The following PTCHD4 variants were observed in gnomAD, a reference collection of about 807,000 sequenced individuals.
PTCHD4 encodes patched domain containing 4, also known as patched domain-containing protein 4.
PTCHD4 carries 33 observed loss-of-function variants against 58.1 expected under a neutral mutation model. The ratio of observed to expected loss-of-function variants is 0.57; its 90% CI spans 0.43 to 0.76. The LOEUF (loss-of-function observed/expected upper bound fraction) is 0.76. Among genes scored for constraint, PTCHD4 ranks in the 30% least tolerant of loss-of-function variants. The pLI, the probability that PTCHD4 is intolerant of heterozygous loss-of-function variation, is 0.00. For synonymous variants in PTCHD4, 478 were observed against 409.6 expected (o/e 1.17, Z -2.02); for missense variants, 1,058 against 1,027.1 (o/e 1.03, Z -0.41).
At chr6:47,967,386 C>A (rs12205912) in intron 4 of PTCHD4, among the ~76,000 whole-genome samples, 18,501 of 152,100 alleles carry the variant, frequency 0.12, 1,456 homozygotes, top group South Asian at 0.2. Flanking sequence ...AGAGCATGGG[C>A]AGAGTAGATT....
chr6:48,019,596 C>T (rs1002468900), intron 3 of PTCHD4, among the ~76,000 whole-genome samples: 8 of 151,838 alleles, frequency 5.3e-5, no homozygotes, highest in East Asian at 1.9e-4. Flanking sequence ...ATTAGCTGGG[C>T]GTGGTGGGGG....
At chr6:48,095,741 A>AAC (rs1765457358) in intron 1 of PTCHD4, among the ~76,000 whole-genome samples, 1 of 151,870 alleles carries the variant, frequency 6.6e-6, no homozygotes, top group South Asian at 2.1e-4. Flanking sequence ...CCAAAAAAAA[A>AAC]AAAAAACAAA....
intron 4 of PTCHD4, among the ~76,000 whole-genome samples, chr6:47,995,155 A>G (rs1768437487): frequency 6.6e-6 from 1 of 152,214 alleles, no homozygotes; most frequent in South Asian, 2.1e-4. Flanking sequence ...TGGTAGTCCC[A>G]TCAGAAACAC....
At position 47,878,245 on chromosome 6, in the gene PTCHD4, T is replaced by C; in HGVS notation, c.*58A>G. The C allele has an allele frequency of 6.8e-7, 1 of 1,470,682 alleles. No individual in the cohort carries two copies. The highest frequency in any genetic ancestry group is 9.2e-7 in the Non-Finnish European group (1 of 1,090,684). The allele number at this position is 1,470,682 out of a possible 1,614,324, so 91.1% of individuals were successfully genotyped here. ...CAAGCAGCTGAGGTCTGAGCTTTACTTGCCCTGCATCATTGTGCAATACTG... is the reference window on the plus strand; with the variant it reads ...CAAGCAGCTGAGGTCTGAGCTTTACCTGCCCTGCATCATTGTGCAATACTG... On this transcript the variant is annotated 3_prime_UTR_variant, in exon 5 of 5. Coordinates refer to ENST00000339488, the MANE Select transcript of PTCHD4 (RefSeq NM_001384253.1).
At chr6:48,007,801 G>A (rs1381544543) in intron 4 of PTCHD4, among the ~76,000 whole-genome samples, 1 of 152,174 alleles carries the variant, frequency 6.6e-6, no homozygotes, top group East Asian at 1.9e-4. Context: ...CTGATGTGTA[G>A]AACCCTCTTG....
At chr6:47,890,656 A>G (rs1488580817) in intron 4 of PTCHD4, among the ~76,000 whole-genome samples, 2 of 152,272 alleles carry the variant, frequency 1.3e-5, no homozygotes, top group African/African-American at 2.4e-5. Context: ...TGGAATGCCA[A>G]CTTCTGAATG....
intron 4 of PTCHD4, chr6:47,901,760 G>T: frequency 8.1e-7 from 1 of 1,230,488 alleles, no homozygotes; most frequent in Non-Finnish European, 1.0e-6. Context: ...TGGTATTGGT[G>T]GTGATGATGA....
chr6:47,985,895 A>T (rs1768048150), intron 4 of PTCHD4, among the ~76,000 whole-genome samples: 1 of 151,916 alleles, frequency 6.6e-6, no homozygotes, highest in Non-Finnish European at 1.5e-5. Flanking sequence ...ATTATTTTTG[A>T]ATAGAGACCA....
chr6:47,991,216 T>A (rs1768270170), intron 4 of PTCHD4, among the ~76,000 whole-genome samples: 2 of 151,506 alleles, frequency 1.3e-5, no homozygotes, highest in South Asian at 4.2e-4. Flanking sequence ...AATAAATCAA[T>A]CAAAGGAAGT....
At chr6:47,973,174 T>C (rs1767578909) in intron 4 of PTCHD4, among the ~76,000 whole-genome samples, 1 of 152,210 alleles carries the variant, frequency 6.6e-6, no homozygotes, top group Non-Finnish European at 1.5e-5. Flanking sequence ...CCACATATTT[T>C]GCAATGGATA....
chr6:47,961,939 A>G (rs1290892986), intron 4 of PTCHD4, among the ~76,000 whole-genome samples: 2 of 152,102 alleles, frequency 1.3e-5, no homozygotes, highest in Non-Finnish European at 2.9e-5. Context: ...ACTAAATAGA[A>G]CATTAGAAAA....
intron 4 of PTCHD4, among the ~76,000 whole-genome samples, chr6:47,954,997 A>C (rs556687846): frequency 6.6e-6 from 1 of 152,194 alleles, no homozygotes; most frequent in African/African-American, 2.4e-5. Context: ...CCAAAGTCTC[A>C]GCAAAAACTA....
intron 1 of PTCHD4, among the ~76,000 whole-genome samples, chr6:48,108,343 T>C (rs1052563707): frequency 7.9e-5 from 12 of 151,692 alleles, no homozygotes; most frequent in African/African-American, 2.7e-4. Flanking sequence ...CAGCAAACTA[T>C]CGCAAGGACA....
chr6:48,021,113 A>C (rs1763053230), intron 3 of PTCHD4, among the ~76,000 whole-genome samples: 1 of 152,038 alleles, frequency 6.6e-6, no homozygotes, highest in Admixed American at 6.6e-5. Context: ...ACTGTCTTTT[A>C]AAAAATCCTA....
At chr6:47,903,641 A>G (rs1310523757) in intron 4 of PTCHD4, among the ~76,000 whole-genome samples, 2 of 152,200 alleles carry the variant, frequency 1.3e-5, no homozygotes, top group Admixed American at 1.3e-4. Flanking sequence ...CATTCAATAT[A>G]TATTTATTGA....
intron 3 of PTCHD4, among the ~76,000 whole-genome samples, chr6:48,052,834 A>T (rs1421770257): frequency 6.6e-6 from 1 of 152,074 alleles, no homozygotes; most frequent in Non-Finnish European, 1.5e-5. Flanking sequence ...ATATTAACTG[A>T]GAAAACATCC....
chr6:48,036,749 A>C (rs180868463), intron 3 of PTCHD4, among the ~76,000 whole-genome samples: 34 of 152,272 alleles, frequency 2.2e-4, no homozygotes, highest in Non-Finnish European at 2.4e-4. Context: ...ATAAGAAAAG[A>C]AAAAAGTCAC....
In PTCHD4 at chr6:47,879,025, G is replaced by T. The variant is rs749476071; in HGVS notation, c.1810C>A (p.Arg604Ser). The change falls in exon 5 of 5, where the codon CGC becomes AGC. Residue 604 changes from arginine (R) to serine (S), a missense_variant. Arg to Ser is a moderately radical substitution (Grantham distance 110). Coordinates refer to ENST00000339488, the MANE Select transcript of PTCHD4 (RefSeq NM_001384253.1). ...CTAGTCCTGGCCACCAGATACAAGC[G>T]AGAAGCAATGATATTGCTTTCATCC... is the stretch of plus-strand genomic sequence containing the variant. Reference protein sequence around the residue: ...AGDESNIIASRLYLVARTSRD... With the variant: ...AGDESNIIASSLYLVARTSRD... 7 of 1,613,274 alleles carry T rather than the reference G, an allele frequency of 4.3e-6. No individual in the cohort carries two copies. The highest frequency in any genetic ancestry group is 2.7e-5 in the African/African-American group (2 of 74,904).
intron 4 of PTCHD4, among the ~76,000 whole-genome samples, chr6:47,924,832 T>C (rs1333176397): frequency 6.6e-6 from 1 of 152,074 alleles, no homozygotes; most frequent in Admixed American, 6.6e-5. Flanking sequence ...TGATCAAATG[T>C]TACTTCCTCG....
Sources: allele counts gnomAD v4.1 joint callset (sites outside exome capture counted in the v4.1 genomes callset), GRCh38; gene constraint gnomAD v4.1.1; transcripts MANE v1.5; gene names NCBI Gene and HGNC (gene_info 2026-07-23, HGNC 2026-07-21).